The following TMCC1 variants were observed in gnomAD, a reference collection of about 807,000 sequenced individuals.
The protein encoded by TMCC1 is transmembrane and coiled-coil domain family 1.
TMCC1 carries 15 observed loss-of-function variants against 52.4 expected under a neutral mutation model. That is an observed-to-expected ratio of 0.29 (90% CI 0.19 to 0.44). TMCC1 has a LOEUF of 0.44. Ranked by LOEUF, TMCC1 falls within the 20% of genes least tolerant of loss-of-function variation. The pLI is 1.00. For missense variants in TMCC1, 503 were observed against 806.0 expected, an observed-to-expected ratio of 0.62 and a Z score of 4.55; for synonymous variants, 279 against 301.9, an observed-to-expected ratio of 0.92 and a Z score of 0.79.
At chr3:129,759,167 T>C (rs1476650820) in intron 4 of TMCC1, among the ~76,000 whole-genome samples, 2 of 152,204 alleles carry the variant, frequency 1.3e-5, no homozygotes, top group African/African-American at 4.8e-5. Flanking sequence ...CCACCAGATA[T>C]CTCAAAGCAA....
chr3:129,825,068 A>C (rs1044428469), intron 4 of TMCC1, among the ~76,000 whole-genome samples: 2 of 152,086 alleles, frequency 1.3e-5, no homozygotes, highest in Non-Finnish European at 2.9e-5. Context: ...CCCCGGGGTT[A>C]ATCAATGTCC....
chr3:129,870,370 T>C (rs2060853207), intron 2 of TMCC1, among the ~76,000 whole-genome samples: 1 of 152,050 alleles, frequency 6.6e-6, no homozygotes, highest in Admixed American at 6.6e-5. Context: ...CTGAATATAT[T>C]TGGATAGTTA....
At chr3:129,742,599 T>C (rs533115227) in intron 4 of TMCC1, among the ~76,000 whole-genome samples, 2 of 152,242 alleles carry the variant, frequency 1.3e-5, no homozygotes, top group South Asian at 2.1e-4. Flanking sequence ...CCCTCATATA[T>C]TGCTAGTGGT....
chr3:129,873,904 T>G lies in TMCC1; in HGVS notation c.-184+6405A>C, dbSNP rs552665865. Among the ~76,000 whole-genome samples, 81 of 152,254 alleles carry G rather than the reference T, an allele frequency of 5.3e-4. 1 individual carries two copies. Among genetic ancestry groups the G allele is most frequent in the African/African-American group, 1.8e-3 (74 of 41,556 alleles). Reference sequence around the variant, plus strand: ...ATGTTGGTACCCAAAAGATTTCAGATTTTGGATTTTCAAATTTGGGATGCT... The same window carrying G: ...ATGTTGGTACCCAAAAGATTTCAGAGTTTGGATTTTCAAATTTGGGATGCT... On this transcript the variant is annotated intron_variant, in intron 2 of 6. Coordinates refer to ENST00000393238, the MANE Select transcript of TMCC1 (RefSeq NM_001017395.5).
At chr3:129,837,529 G>A (rs1270997083) in intron 2 of TMCC1, among the ~76,000 whole-genome samples, 1 of 152,092 alleles carries the variant, frequency 6.6e-6, no homozygotes, top group East Asian at 1.9e-4. Context: ...CCACCCTAAA[G>A]GACTTGCAGG....
chr3:129,658,091 C>T (rs149758160), intron 5 of TMCC1, among the ~76,000 whole-genome samples: 549 of 152,300 alleles, frequency 3.6e-3, no homozygotes, highest in African/African-American at 0.012. Flanking sequence ...ATCTGCTTGT[C>T]ATTTGCCACC....
intron 4 of TMCC1, among the ~76,000 whole-genome samples, chr3:129,716,860 G>C (rs371141366): frequency 2.0e-5 from 3 of 152,138 alleles, no homozygotes; most frequent in Admixed American, 1.3e-4. Flanking sequence ...GCTAGCTTTG[G>C]AATAAAAAGT....
Position 129,670,619 on chromosome 3 carries a change from T to C in TMCC1, c.1222A>G (p.Ile408Val). ...VDDAGKALGV[I>V]SNFQSSPKYG... ...TTTGGGCTAGACTGAAAGTTTGAAA[T>C]CACTCCCAAAGCCTTCCCCGCATCA... Residue 408 changes from isoleucine (I) to valine (V), a missense_variant, in exon 5 of 7, where the codon ATT becomes GTT. Ile to Val is a conservative substitution (Grantham distance 29). Around this residue, in one of 7 missense-constraint regions of TMCC1, gnomAD observed 38 missense variants for 29.8 expected, o/e 1.28. Coordinates refer to ENST00000393238, the MANE Select transcript of TMCC1 (RefSeq NM_001017395.5). The C allele has an allele frequency of 6.2e-7, 1 of 1,614,228 alleles. No homozygotes were observed. Among genetic ancestry groups the C allele is most frequent in the Non-Finnish European group, 8.5e-7 (1 of 1,180,042 alleles).
chr3:129,891,485 T>C (rs2061960421), intron 1 of TMCC1, among the ~76,000 whole-genome samples: 1 of 152,218 alleles, frequency 6.6e-6, no homozygotes, highest in South Asian at 2.1e-4. Flanking sequence ...GTGGCTGCTT[T>C]TGTACTAAAA....
intron 2 of TMCC1, among the ~76,000 whole-genome samples, chr3:129,877,971 T>A (rs933883282): frequency 2.2e-4 from 33 of 149,994 alleles, no homozygotes; most frequent in African/African-American, 7.8e-4. Context: ...TTTTATTTTT[T>A]TTTTGAGACA....
intron 4 of TMCC1, among the ~76,000 whole-genome samples, chr3:129,800,095 A>G (rs2107770636): frequency 6.6e-6 from 1 of 152,220 alleles, no homozygotes; most frequent in South Asian, 2.1e-4. Context: ...TTGTTCTTGT[A>G]TTTCATATAA....
intron 4 of TMCC1, among the ~76,000 whole-genome samples, chr3:129,736,657 G>C (rs376840574): frequency 1.3e-5 from 2 of 151,746 alleles, no homozygotes; most frequent in South Asian, 4.2e-4. Context: ...GAGTAGCTGG[G>C]ATCACAGGCG....
chr3:129,869,729 C>G (rs896274473), intron 2 of TMCC1, among the ~76,000 whole-genome samples: 3 of 152,232 alleles, frequency 2.0e-5, no homozygotes, highest in African/African-American at 7.2e-5. Context: ...AACCTCCCAA[C>G]TTACCTTGAT....
intron 4 of TMCC1, among the ~76,000 whole-genome samples, chr3:129,673,773 C>G (rs181068669): frequency 6.6e-6 from 1 of 151,706 alleles, no homozygotes; most frequent in African/African-American, 2.4e-5. Flanking sequence ...ATAGCTTGAA[C>G]CTGGGAAGCA....
At chr3:129,766,806 A>C (rs777040741) in intron 4 of TMCC1, among the ~76,000 whole-genome samples, 1 of 151,846 alleles carries the variant, frequency 6.6e-6, no homozygotes, top group Non-Finnish European at 1.5e-5. Flanking sequence ...TTTAGTGGAG[A>C]TAAGGTTTTG....
At chr3:129,736,976 TTCA>T (rs1334181312) in intron 4 of TMCC1, among the ~76,000 whole-genome samples, 1 of 152,200 alleles carries the variant, frequency 6.6e-6, no homozygotes, top group African/African-American at 2.4e-5. Context: ...TTGCTTCACT[TTCA>T]CACATATGCA....
At chr3:129,791,709 T>C (rs931546359) in intron 4 of TMCC1, among the ~76,000 whole-genome samples, 3 of 152,174 alleles carry the variant, frequency 2.0e-5, no homozygotes, top group Non-Finnish European at 4.4e-5. Context: ...TGATCTAAAA[T>C]GGCAAGGAAA....
At position 129,731,943 on chromosome 3, in the gene TMCC1, A is replaced by C. The variant is rs2050581131; in HGVS notation, c.577-60679T>G. Among the ~76,000 whole-genome samples the C allele has an allele frequency of 6.6e-5, 10 of 152,248 alleles. No homozygotes were observed. In the South Asian group the frequency reaches 2.1e-3, roughly 32 times the overall value. On this transcript the variant is annotated intron_variant, in intron 4 of 6. Coordinates refer to ENST00000393238, the MANE Select transcript of TMCC1 (RefSeq NM_001017395.5). ...CCTGGCTTCCCATATGTTTTAAAGA[A>C]TCTCTAGATTTATAATACCCAATGC... is the stretch of plus-strand genomic sequence containing the variant.
chr3:129,823,826 T>C (rs1397391274), intron 4 of TMCC1, among the ~76,000 whole-genome samples: 1 of 151,850 alleles, frequency 6.6e-6, no homozygotes, highest in African/African-American at 2.4e-5. Flanking sequence ...TTCAAAGCTA[T>C]TGATAAAGTA....
Sources: gnomAD v4.1 joint callset for allele counts (sites outside exome capture counted in the v4.1 genomes callset) on GRCh38, gnomAD v4.1.1 for gene constraint, gnomAD v4.1.1 regional missense constraint, MANE v1.5 for transcripts, NCBI Gene and HGNC (gene_info 2026-07-23, HGNC 2026-07-21) for gene names.